ATF6B: variants seen among roughly 807,000 people sequenced by gnomAD.
ATF6B encodes activating transcription factor 6 beta, also known as cyclic AMP-dependent transcription factor ATF-6 beta.
In ATF6B, 50 loss-of-function variants were observed where a neutral mutation model predicts 83.5. The observed-to-expected ratio is 0.60, with a 90% CI of 0.48 to 0.76. The LOEUF (loss-of-function observed/expected upper bound fraction) is 0.76. Among genes scored for constraint, ATF6B ranks in the 30% least tolerant of loss-of-function variants. ATF6B has a pLI of 0.00. For synonymous variants in ATF6B, 344 were observed against 362.8 expected (o/e 0.95, Z 0.59); for missense variants, 790 against 893.8 (o/e 0.88, Z 1.48).
At chr6:32,120,109 CTTTTTT>C in intron 8 of ATF6B, 152 bp from the exon 9 acceptor site, 1 of 1,049,652 alleles carries the variant, frequency 9.5e-7, no homozygotes, top group Non-Finnish European at 1.3e-6. Context: ...TCCTTTTTTT[CTTTTTT>C]GAGATGCAGT....
At position 32,119,731 on chromosome 6, in the gene ATF6B, C is replaced by T. The variant is rs1165143129; in HGVS notation, c.966+93G>A. 10 of 1,529,130 alleles carry T rather than the reference C, an allele frequency of 6.5e-6. No homozygotes were observed. The highest frequency in any genetic ancestry group is 4.1e-5 in the African/African-American group (3 of 72,320). The allele number at this position is 1,529,130 out of a possible 1,614,324, so 94.7% of individuals were successfully genotyped here. ...TTCCTCACTTTTTTCTCCTAGGTAT[C>T]GACTCCCTCCTCATCCCACAGTTCT... On this transcript the variant is annotated intron_variant, in intron 9 of 17. Coordinates refer to ENST00000375203, the MANE Select transcript of ATF6B (RefSeq NM_004381.5). This position sits in a 1 kb window ranked among gnomAD's most constrained non-coding sequence, Gnocchi z 4.9.
In ATF6B at chr6:32,117,700, G is replaced by A; in HGVS notation, c.1425-6C>T. 1 of 1,613,304 alleles carries A rather than the reference G, an allele frequency of 6.2e-7. No homozygotes were observed. Among genetic ancestry groups the A allele is most frequent in the Non-Finnish European group, 8.5e-7 (1 of 1,179,486 alleles). ...CAGGGAAGGCTGTCAGGTTGCTGGA[G>A]TGAAGCAGGAAGGAGACAACACTTG... On this transcript the variant is annotated splice_polypyrimidine_tract_variant and splice_region_variant and intron_variant, in intron 12 of 17. Coordinates refer to ENST00000375203, the MANE Select transcript of ATF6B (RefSeq NM_004381.5). The surrounding 1 kb of genome is among the most constrained non-coding windows in gnomAD (Gnocchi z 5.0).
rs1242598783 is a variant in ATF6B, at chr6:32,126,146, T to C, written c.449A>G (p.Asn150Ser). 2 of 1,614,162 alleles carry C rather than the reference T, an allele frequency of 1.2e-6. No individual in the cohort carries two copies. The highest frequency in any genetic ancestry group is 2.2e-5 in the East Asian group (1 of 44,880). ...GGAATCATCAGAGGTGGGGATAACGTTGATCTGGACGGTTTCAAATGAGGA... is the reference window on the plus strand; with the variant it reads ...GGAATCATCAGAGGTGGGGATAACGCTGATCTGGACGGTTTCAAATGAGGA... The part of the protein sequence containing the change: ...PTSSFETVQI[N>S]VIPTSDDSSD... Residue 150 changes from asparagine to serine, a missense_variant, in exon 5 of 18, where the codon AAC (asparagine) becomes AGC (serine). Asn to Ser is a conservative substitution (Grantham distance 46, BLOSUM62 1). This residue lies in a region of ATF6B where 253 missense variants were observed against 243.1 expected (regional missense o/e 1.04). Coordinates refer to ENST00000375203, the MANE Select transcript of ATF6B (RefSeq NM_004381.5).
chr6:32,126,343 A>G, intron 4 of ATF6B, 91 bp from the exon 5 acceptor site: 1 of 1,470,556 alleles, frequency 6.8e-7, no homozygotes, highest in Non-Finnish European at 9.1e-7. Flanking sequence ...AAAGCTTTAG[A>G]AGTTTAGGGC....
chr6:32,123,211 G>A (rs1781833355), intron 5 of ATF6B, among the ~76,000 whole-genome samples: 1 of 116,844 alleles, frequency 8.6e-6, no homozygotes, highest in African/African-American at 3.6e-5. Context: ...CTGGGTGACA[G>A]GGCAAAACTC....
chr6:32,116,067 A>G lies in ATF6B; in HGVS notation c.1883-99T>C, dbSNP rs1781518863. The G allele has an allele frequency of 3.4e-6, 3 of 875,102 alleles. No individual in the cohort carries two copies. In the East Asian group the frequency reaches 7.9e-5, roughly 23 times the overall value. 54.2% of individuals were successfully genotyped at this position (875,102 alleles called of 1,614,324 possible). A position where few individuals can be genotyped will look rare whatever the true frequency, so the allele number is the denominator to read the frequency against. On this transcript the variant is annotated intron_variant, in intron 17 of 17. Transcript: ENST00000375203. The surrounding 1 kb of genome is among the most constrained non-coding windows in gnomAD (Gnocchi z 5.1). The stretch of plus-strand genomic sequence containing the variant: ...CAGAAAAGTAGAGGTGAGCAGAGAG[A>G]AAAAGAAAGGGCAATAGTGAGGAGG...
chr6:32,118,835 C>CT lies in ATF6B; in HGVS notation c.1183dup (p.Arg395LysfsTer24). 1 of 1,614,242 alleles carries CT rather than the reference C, an allele frequency of 6.2e-7. No homozygotes were observed. The highest frequency in any genetic ancestry group is 8.5e-7 in the Non-Finnish European group (1 of 1,180,046). On this transcript the variant is annotated frameshift_variant, in exon 11 of 18. Transcript: ENST00000375203. LOFTEE classifies it high-confidence loss of function. This position sits in a 1 kb window ranked among gnomAD's most constrained non-coding sequence, Gnocchi z 5.2. Reference sequence around the variant, plus strand: ...GAAGACCATGATGCAGACCACCTTCCTGTTTCCAGACCCTAACTTGAGCTC... The same window carrying CT: ...GAAGACCATGATGCAGACCACCTTCCTTGTTTCCAGACCCTAACTTGAGCTC...
chr6:32,121,885 A>G (rs1460584386), intron 5 of ATF6B, among the ~76,000 whole-genome samples: 1 of 151,330 alleles, frequency 6.6e-6, no homozygotes, highest in Non-Finnish European at 1.5e-5. Context: ...GGCTCCTCTG[A>G]TTTTTCTCAT....
At chr6:32,121,441 G>A (rs577115426) in intron 5 of ATF6B, 93 bp from the exon 6 acceptor site, 63 of 1,267,030 alleles carry the variant, frequency 5.0e-5, no homozygotes, top group South Asian at 8.8e-5. Flanking sequence ...GGTGGCTCAC[G>A]CCTGTAATCT....
rs1373507751 is a variant in ATF6B, at chr6:32,127,758, A to G, written c.92-8T>C. 1 of 1,614,066 alleles carries G rather than the reference A, an allele frequency of 6.2e-7. No homozygotes were observed. The highest frequency in any genetic ancestry group is 1.1e-5 in the South Asian group (1 of 91,088). Reference sequence around the variant, plus strand: ...CAGAATACAAGGTGCTGTCTGCAAGAAATGCTGAGCGTCGGGGGGTCGTTC... The same window carrying G: ...CAGAATACAAGGTGCTGTCTGCAAGGAATGCTGAGCGTCGGGGGGTCGTTC... On this transcript the variant is annotated splice_region_variant and splice_polypyrimidine_tract_variant and intron_variant, in intron 1 of 17. Coordinates refer to ENST00000375203, the MANE Select transcript of ATF6B (RefSeq NM_004381.5).
At chr6:32,120,744 C>G (rs756686736) in intron 8 of ATF6B, 27 bp downstream of exon 8, 3 of 1,605,524 alleles carry the variant, frequency 1.9e-6, no homozygotes, top group Non-Finnish European at 2.6e-6. Flanking sequence ...AGCCACCATG[C>G]CCGGCCCTTT....
In ATF6B at chr6:32,116,876, G is replaced by A; in HGVS notation, c.1686-61C>T. 6.3e-7 allele frequency: 1 copy of A among 1,577,750 alleles called. No homozygotes were observed. Among genetic ancestry groups the A allele is most frequent in the Non-Finnish European group, 8.7e-7 (1 of 1,147,670 alleles). On this transcript the variant is annotated intron_variant, in intron 15 of 17. Transcript: ENST00000375203. The surrounding 1 kb of genome is among the most constrained non-coding windows in gnomAD (Gnocchi z 5.1). The stretch of plus-strand genomic sequence containing the variant: ...AAGCCCAATGCTCAGTTTCTACCAG[G>A]GAAGCGGGTAGGATGAGAGAAAAAG...
At chr6:32,123,227 C>CAA (rs9279489) in intron 5 of ATF6B, among the ~76,000 whole-genome samples, 7 of 58,924 alleles carry the variant, frequency 1.2e-4, no homozygotes, top group Non-Finnish European at 2.1e-4. Context: ...AACTCTGTCT[C>CAA]AAAAAAAAAA....
intron 8 of ATF6B, chr6:32,120,298 CTG>C (rs888323355): frequency 6.2e-5 from 11 of 178,558 alleles, no homozygotes; most frequent in South Asian, 2.3e-4. Flanking sequence ...CGGGGTTTCA[CTG>C]TGTTAGTCAG....
rs1479734392 is a variant in ATF6B, at chr6:32,128,191, A to G, written c.17T>C (p.Leu6Pro). 2 of 1,612,320 alleles carry G rather than the reference A, an allele frequency of 1.2e-6. No individual in the cohort carries two copies. The highest frequency in any genetic ancestry group is 1.7e-6 in the Non-Finnish European group (2 of 1,179,758). Residue 6 changes from leucine to proline, a missense_variant, in exon 1 of 18, where the codon CTG becomes CCG. Physicochemically the swap from Leu to Pro is moderately conservative, Grantham distance 98 (BLOSUM62 -3). Coordinates refer to ENST00000375203, the MANE Select transcript of ATF6B (RefSeq NM_004381.5). MAELM[L>P]LSEIADPTRF... ...CGTCGGGTCAGCAATCTCGCTGAGCAGCATCAGCTCCGCCATCTTTCCCCC... is the reference window on the plus strand; with the variant it reads ...CGTCGGGTCAGCAATCTCGCTGAGCGGCATCAGCTCCGCCATCTTTCCCCC...
chr6:32,121,061 G>A lies in ATF6B; in HGVS notation c.628C>T (p.Leu210=). 6.4e-7 allele frequency: 1 copy of A among 1,563,022 alleles called. No homozygotes were observed. Among genetic ancestry groups the A allele is most frequent in the Non-Finnish European group, 8.6e-7 (1 of 1,157,264 alleles). The change falls in exon 7 of 18, where the codon CTG becomes TTG. Residue 210 remains leucine (L), a synonymous_variant. Coordinates refer to ENST00000375203, the MANE Select transcript of ATF6B (RefSeq NM_004381.5). ...TESLSPSGCL[L]WDVPAPSLGA... ...AGTGAGGGGGCTGGGACATCCCACAGGAGGCATCCTGAAGGGGACAGGGAC... is the reference window on the plus strand; with the variant it reads ...AGTGAGGGGGCTGGGACATCCCACAAGAGGCATCCTGAAGGGGACAGGGAC...
chr6:32,119,415 T>A lies in ATF6B; in HGVS notation c.967-274A>T, dbSNP rs1781664295. On this transcript the variant is annotated intron_variant, in intron 9 of 17. Coordinates refer to ENST00000375203, the MANE Select transcript of ATF6B (RefSeq NM_004381.5). This position sits in a 1 kb window ranked among gnomAD's most constrained non-coding sequence, Gnocchi z 4.9. ...ATGCTGGTGGAAACTCTTTCCTTCG[T>A]AACTCTTTCTTCCTGTCAGCCCACA... Among the ~76,000 whole-genome samples, 1 of 152,186 alleles carries A rather than the reference T, an allele frequency of 6.6e-6. No individual in the cohort carries two copies. The highest frequency in any genetic ancestry group is 1.5e-5 in the Non-Finnish European group (1 of 68,030).
Position 32,127,149 on chromosome 6 carries a change from G to C in ATF6B, c.296C>G (p.Ser99Cys). The stretch of plus-strand genomic sequence containing the variant: ...GAGACGCGATGACTCGGAGCTGAGG[G>C]AGGAGGAAGAGCAGGGGGAAGATGG... ...SEPSSPCSSS[S>C]LSSESSRLST... is the part of the protein sequence containing the mutation. The change falls in exon 4 of 18, where the codon TCC becomes TGC. Residue 99 changes from serine to cysteine, a missense_variant. By Grantham distance (112) the Ser-to-Cys change is moderately radical. Coordinates refer to ENST00000375203, the MANE Select transcript of ATF6B (RefSeq NM_004381.5). The C allele has an allele frequency of 1.2e-6, 2 of 1,611,924 alleles. No individual in the cohort carries two copies. Among genetic ancestry groups the C allele is most frequent in the Non-Finnish European group, 1.7e-6 (2 of 1,179,320 alleles).
chr6:32,120,817 A>G lies in ATF6B; in HGVS notation c.786T>C (p.Pro262=). Residue 262 remains proline, a synonymous_variant, in exon 8 of 18, where the codon CCT becomes CCC. Transcript: ENST00000375203. ...TTVPMPSRAV[P]PSTTVLLQSL... is the part of the protein sequence containing the mutation. Reference sequence around the variant, plus strand: ...ACTGCAGAAGGACTGTGGTGCTGGGAGGCACAGCTCTGGATGGCATTGGGA... The same window carrying G: ...ACTGCAGAAGGACTGTGGTGCTGGGGGGCACAGCTCTGGATGGCATTGGGA... The G allele has an allele frequency of 6.2e-7, 1 of 1,609,804 alleles. No individual in the cohort carries two copies. The highest frequency in any genetic ancestry group is 8.5e-7 in the Non-Finnish European group (1 of 1,177,704).
Sources: gnomAD v4.1 joint callset for allele counts (sites outside exome capture counted in the v4.1 genomes callset) on GRCh38, gnomAD v4.1.1 for gene constraint, gnomAD v4.1.1 regional missense constraint, Gnocchi (gnomAD v3.1) non-coding constraint, MANE v1.5 for transcripts, NCBI Gene and HGNC (gene_info 2026-07-23, HGNC 2026-07-21) for gene names.